Variants in PXDNL observed in about 807,000 individuals in gnomAD.
The protein encoded by PXDNL is peroxidasin like, also known as probable oxidoreductase PXDNL.
PXDNL carries 145 observed loss-of-function variants against 150.8 expected under a neutral mutation model. The observed-to-expected ratio is 0.96, with a 90% CI of 0.84 to 1.10. The LOEUF (loss-of-function observed/expected upper bound fraction) is 1.10, where lower values mean the gene tolerates loss of function less well. Among genes scored for constraint, PXDNL ranks in the 50% least tolerant of loss-of-function variants. The pLI, the probability that PXDNL is intolerant of heterozygous loss-of-function variation, is 0.00. For missense variants in PXDNL, 2,087 were observed against 1,873.9 expected (o/e 1.11, Z -2.10); for synonymous variants, 757 against 725.7 (o/e 1.04, Z -0.69).
intron 3 of PXDNL, among the ~76,000 whole-genome samples, chr8:51,576,211 A>AC (rs199790706): frequency 0.025 from 3,793 of 151,108 alleles, 94 homozygotes; most frequent in African/African-American, 0.059. Context: ...AAAAAAAAAA[A>AC]AAACAAACAA....
intron 1 of PXDNL, among the ~76,000 whole-genome samples, chr8:51,659,828 A>G (rs1815228999): frequency 6.6e-6 from 1 of 152,074 alleles, no homozygotes; most frequent in Non-Finnish European, 1.5e-5. Flanking sequence ...GAATACAGTT[A>G]TCTATGACTG....
At chr8:51,353,097 TTC>T (rs1351910013) in intron 19 of PXDNL, among the ~76,000 whole-genome samples, 1 of 151,930 alleles carries the variant, frequency 6.6e-6, no homozygotes, top group African/African-American at 2.4e-5. Flanking sequence ...AATTTCATTT[TTC>T]TCTCTTTGTC....
chr8:51,694,228 G>A (rs915073788), intron 1 of PXDNL, among the ~76,000 whole-genome samples: 3 of 152,114 alleles, frequency 2.0e-5, no homozygotes, highest in Non-Finnish European at 4.4e-5. Flanking sequence ...GGGGGTGGTG[G>A]TGTGTGTGCT....
chr8:51,434,368 A>G (rs1406122305), intron 12 of PXDNL, among the ~76,000 whole-genome samples: 1 of 152,144 alleles, frequency 6.6e-6, no homozygotes, highest in African/African-American at 2.4e-5. Context: ...TTTTTAAATG[A>G]CATGTCCTGG....
intron 1 of PXDNL, among the ~76,000 whole-genome samples, chr8:51,694,572 T>C (rs1200656574): frequency 2.0e-5 from 3 of 152,154 alleles, no homozygotes; most frequent in Non-Finnish European, 4.4e-5. Context: ...ACCACGTGAC[T>C]CCCAAACTAA....
chr8:51,598,365 G>A (rs73572333), intron 2 of PXDNL, among the ~76,000 whole-genome samples: 12,750 of 152,006 alleles, frequency 0.084, 859 homozygotes, highest in African/African-American at 0.18. Flanking sequence ...TGTTGGCTGT[G>A]GGCTTATCAT....
intron 3 of PXDNL, among the ~76,000 whole-genome samples, chr8:51,569,028 T>C (rs1203444447): frequency 6.6e-6 from 1 of 151,976 alleles, no homozygotes; most frequent in African/African-American, 2.4e-5. Context: ...ATTAGAGTCT[T>C]TGGCACATTA....
At position 51,467,760 on chromosome 8, in the gene PXDNL, A is replaced by G. The variant is rs1268926637; in HGVS notation, c.812+4427T>C. Reference sequence around the variant, plus strand: ...TCATTAGTTTTGCCATTATTATGCAATCTTTTTCTATTTCTCCCCAAGGTA... The same window carrying G: ...TCATTAGTTTTGCCATTATTATGCAGTCTTTTTCTATTTCTCCCCAAGGTA... On this transcript the variant is annotated intron_variant, in intron 8 of 22. Coordinates refer to ENST00000356297, the MANE Select transcript of PXDNL (RefSeq NM_144651.5). Among the ~76,000 whole-genome samples, 4 of 152,206 alleles carry G rather than the reference A, an allele frequency of 2.6e-5. No individual in the cohort carries two copies. The South Asian group carries it at 6.2e-4, about 24-fold the overall frequency.
intron 1 of PXDNL, among the ~76,000 whole-genome samples, chr8:51,769,027 G>A (rs933244325): frequency 2.0e-5 from 3 of 152,192 alleles, no homozygotes; most frequent in African/African-American, 4.8e-5. Context: ...GCGTGAACCC[G>A]GGAGGCAGAG....
At chr8:51,575,386 A>T (rs1410545408) in intron 3 of PXDNL, among the ~76,000 whole-genome samples, 3 of 152,086 alleles carry the variant, frequency 2.0e-5, no homozygotes, top group Non-Finnish European at 4.4e-5. Context: ...GTGAAACTTA[A>T]ACCCAATATA....
chr8:51,457,394 C>T (rs1809959632), intron 9 of PXDNL, 104 bp downstream of exon 9: 1 of 904,164 alleles, frequency 1.1e-6, no homozygotes, highest in African/African-American at 1.7e-5. Context: ...AAATCACAGT[C>T]AATGGGAATA....
At chr8:51,537,554 G>C (rs998453507) in intron 4 of PXDNL, among the ~76,000 whole-genome samples, 3 of 152,182 alleles carry the variant, frequency 2.0e-5, no homozygotes, top group Admixed American at 1.3e-4. Context: ...GTACCTGTGA[G>C]CAAGCAAAGA....
chr8:51,708,061 T>G (rs1417259771), intron 1 of PXDNL, among the ~76,000 whole-genome samples: 1 of 152,220 alleles, frequency 6.6e-6, no homozygotes, highest in East Asian at 1.9e-4. Flanking sequence ...TATTTACTCA[T>G]GCACTGATTC....
At chr8:51,524,811 T>G (rs1009528078) in intron 4 of PXDNL, among the ~76,000 whole-genome samples, 1 of 152,202 alleles carries the variant, frequency 6.6e-6, no homozygotes, top group African/African-American at 2.4e-5. Context: ...TCTACTGAAA[T>G]AGAAACAGCA....
At chr8:51,557,771 C>T (rs530372600) in intron 3 of PXDNL, among the ~76,000 whole-genome samples, 2 of 152,174 alleles carry the variant, frequency 1.3e-5, no homozygotes, top group South Asian at 4.1e-4. Context: ...TCAGTTGCAG[C>T]TCATCTGCAG....
chr8:51,713,035 T>C (rs1266790731), intron 1 of PXDNL, among the ~76,000 whole-genome samples: 1 of 152,212 alleles, frequency 6.6e-6, no homozygotes, highest in Non-Finnish European at 1.5e-5. Context: ...ATTTTTATCT[T>C]TCTCCTAAAA....
chr8:51,696,720 C>T, intron 1 of PXDNL, among the ~76,000 whole-genome samples: 1 of 150,560 alleles, frequency 6.6e-6, no homozygotes, highest in Non-Finnish European at 1.5e-5. Context: ...CAGGTTCACA[C>T]ACATCCACAC....
chr8:51,474,575 G>T (rs1447434117), intron 7 of PXDNL, among the ~76,000 whole-genome samples: 2 of 152,160 alleles, frequency 1.3e-5, no homozygotes, highest in Non-Finnish European at 2.9e-5. Context: ...TCTCAGCAAT[G>T]AATATTAGCA....
chr8:51,672,219 G>T (rs972509884), intron 1 of PXDNL, among the ~76,000 whole-genome samples: 3 of 152,158 alleles, frequency 2.0e-5, no homozygotes, highest in Non-Finnish European at 4.4e-5. Context: ...GACCTCAAGT[G>T]ATCTGCCTAG....
Sources: allele counts gnomAD v4.1 joint callset (sites outside exome capture counted in the v4.1 genomes callset), GRCh38; gene constraint gnomAD v4.1.1; transcripts MANE v1.5; gene names NCBI Gene and HGNC (gene_info 2026-07-23, HGNC 2026-07-21).